Variants in PEX14 observed in about 807,000 individuals in gnomAD.
The protein encoded by PEX14 is peroxisomal membrane protein PEX14.
A neutral mutation model predicts 49.5 loss-of-function variants in PEX14; 15 were observed. The observed-to-expected ratio is 0.30, with a 90% confidence interval of 0.20 to 0.47. PEX14 has a LOEUF of 0.47. Among genes scored for constraint, PEX14 ranks in the 20% least tolerant of loss-of-function variants. The probability of loss-of-function intolerance (pLI) is 1.00; values close to 1 mark genes in which losing one functional copy is unlikely to be tolerated. For synonymous variants in PEX14, 210 were observed against 212.7 expected (o/e 0.99, Z 0.11); for missense variants, 398 against 494.8 (o/e 0.80, Z 1.86).
chr1:10,570,067 T>C (rs981584888), intron 3 of PEX14, among the ~76,000 whole-genome samples: 1 of 152,132 alleles, frequency 6.6e-6, no homozygotes, highest in Admixed American at 6.5e-5. Flanking sequence ...AAATATATTT[T>C]CTTTCCTATC....
intron 8 of PEX14, among the ~76,000 whole-genome samples, chr1:10,627,929 T>C (rs1173976632): frequency 3.9e-5 from 6 of 152,136 alleles, no homozygotes; most frequent in Non-Finnish European, 7.3e-5. Flanking sequence ...CCTGGTTTTA[T>C]TTATTTTTAT....
chr1:10,596,491 G>A (rs1024313354), intron 3 of PEX14, among the ~76,000 whole-genome samples: 1 of 152,064 alleles, frequency 6.6e-6, no homozygotes, highest in African/African-American at 2.4e-5. Context: ...AGAAGAAAAT[G>A]TAGTCCTTCT....
chr1:10,552,713 G>C (rs1570254317), intron 3 of PEX14, among the ~76,000 whole-genome samples: 2 of 152,322 alleles, frequency 1.3e-5, no homozygotes, highest in Admixed American at 1.3e-4. Context: ...GATGTGGTGT[G>C]GGTGATAAAA....
At chr1:10,612,387 T>C (rs1350913076) in intron 4 of PEX14, among the ~76,000 whole-genome samples, 1 of 152,188 alleles carries the variant, frequency 6.6e-6, no homozygotes, top group Non-Finnish European at 1.5e-5. Context: ...GATATAGATA[T>C]GCCTCTCGGT....
At chr1:10,542,849 C>T (rs1161369018) in intron 3 of PEX14, among the ~76,000 whole-genome samples, 1 of 152,182 alleles carries the variant, frequency 6.6e-6, no homozygotes, top group South Asian at 2.1e-4. Context: ...CAAGCAATGG[C>T]CCAATGAATA....
Position 10,576,471 on chromosome 1 carries a change from G to A in PEX14, c.170-22767G>A, listed in dbSNP as rs534753014. ...GTTTGTCCATAAACACTGAACCAGT[G>A]ATTTAAATATTCATCCACATTTCGT... On this transcript the variant is annotated intron_variant, in intron 3 of 8. Coordinates refer to ENST00000356607, the MANE Select transcript of PEX14 (RefSeq NM_004565.3). Among the ~76,000 whole-genome samples, 5 of 152,252 alleles carry A rather than the reference G, an allele frequency of 3.3e-5. No homozygotes were observed. In the South Asian group the frequency reaches 1.0e-3, roughly 32 times the overall value.
chr1:10,503,441 A>T (rs796070395), intron 2 of PEX14, among the ~76,000 whole-genome samples: 23 of 150,298 alleles, frequency 1.5e-4, no homozygotes, highest in African/African-American at 5.6e-4. Context: ...TGCTAATCTT[A>T]GAGCTCCTTT....
chr1:10,566,393 C>T (rs1383402260), intron 3 of PEX14, among the ~76,000 whole-genome samples: 1 of 152,122 alleles, frequency 6.6e-6, no homozygotes, highest in African/African-American at 2.4e-5. Context: ...ATTTGTGTTA[C>T]AAATATATGC....
At chr1:10,503,447 C>T (rs1641723276) in intron 2 of PEX14, among the ~76,000 whole-genome samples, 1 of 150,596 alleles carries the variant, frequency 6.6e-6, no homozygotes, top group African/African-American at 2.4e-5. Flanking sequence ...TCTTAGAGCT[C>T]CTTTACATGC....
rs1006019406 is a variant in PEX14, at chr1:10,484,721, G to A, written c.36+9719G>A. ...TGAGAAATCTGTCAGGACTGTGGTC[G>A]CTGACTAGGGAGGGGTCTGCTTCCT... On this transcript the variant is annotated intron_variant, in intron 1 of 8. Transcript: ENST00000356607. Among the ~76,000 whole-genome samples, 3 of 151,588 alleles carry A rather than the reference G, an allele frequency of 2.0e-5. 1 individual carries two copies. The highest frequency in any genetic ancestry group is 7.3e-5 in the African/African-American group (3 of 40,930).
rs1638591419 is a variant in PEX14, at chr1:10,529,751, T to G, written c.85-6462T>G. 6.6e-6 allele frequency among the ~76,000 whole-genome samples: 1 copy of G among 152,244 alleles called. No individual in the cohort carries two copies. Among genetic ancestry groups the G allele is most frequent in the Admixed American group, 6.5e-5 (1 of 15,286 alleles). ...ATTTACACAATAGCCTTAAAATATATTCTGTTCTATCATGTCAACTCCTGT... is the reference window on the plus strand; with the variant it reads ...ATTTACACAATAGCCTTAAAATATAGTCTGTTCTATCATGTCAACTCCTGT... On this transcript the variant is annotated intron_variant, in intron 2 of 8. Coordinates refer to ENST00000356607, the MANE Select transcript of PEX14 (RefSeq NM_004565.3). This position sits in a 1 kb window ranked among gnomAD's most constrained non-coding sequence, Gnocchi z 4.2.
At chr1:10,485,572 G>C (rs973761629) in intron 1 of PEX14, among the ~76,000 whole-genome samples, 3 of 151,308 alleles carry the variant, frequency 2.0e-5, no homozygotes, top group Non-Finnish European at 4.4e-5. Context: ...TCCTACCTCT[G>C]CCTCCCAAAG....
intron 3 of PEX14, among the ~76,000 whole-genome samples, chr1:10,579,926 G>A (rs3102137): frequency 2.6e-5 from 4 of 151,908 alleles, no homozygotes; most frequent in Non-Finnish European, 5.9e-5. Flanking sequence ...ATCCCAGTAG[G>A]TTTCAGCCTC....
In PEX14 at chr1:10,494,287, A is replaced by C. The variant is rs895531013; in HGVS notation, c.37-987A>C. ...TTTTCCAAGGCGGCCTGGCACTTCCATCTGATCTGTAATAGCCGGGAGAAT... is the reference window on the plus strand; with the variant it reads ...TTTTCCAAGGCGGCCTGGCACTTCCCTCTGATCTGTAATAGCCGGGAGAAT... On this transcript the variant is annotated intron_variant, in intron 1 of 8. Transcript: ENST00000356607. The surrounding 1 kb of genome is among the most constrained non-coding windows in gnomAD (Gnocchi z 4.3). 7.9e-5 allele frequency among the ~76,000 whole-genome samples: 12 copies of C among 152,272 alleles called. No homozygotes were observed. Among genetic ancestry groups the C allele is most frequent in the Non-Finnish European group, 7.4e-5 (5 of 68,016 alleles).
intron 1 of PEX14, among the ~76,000 whole-genome samples, chr1:10,483,397 A>G (rs988079725): frequency 5.3e-5 from 8 of 151,372 alleles, no homozygotes; most frequent in African/African-American, 1.7e-4. Flanking sequence ...GCTTACTGCA[A>G]TCTCCACTTC....
intron 3 of PEX14, among the ~76,000 whole-genome samples, chr1:10,540,316 A>G (rs1638964488): frequency 6.6e-6 from 1 of 152,100 alleles, no homozygotes; most frequent in Non-Finnish European, 1.5e-5. Context: ...CTCTTTTATT[A>G]CTTTTCTTTT....
intron 3 of PEX14, among the ~76,000 whole-genome samples, chr1:10,554,813 C>T (rs1032606012): frequency 6.6e-6 from 1 of 151,956 alleles, no homozygotes; most frequent in African/African-American, 2.4e-5. Context: ...TCCTGGGGCT[C>T]AAGTGATCTT....
At chr1:10,592,511 G>A (rs1570319785) in intron 3 of PEX14, among the ~76,000 whole-genome samples, 1 of 152,054 alleles carries the variant, frequency 6.6e-6, no homozygotes, top group South Asian at 2.1e-4. Context: ...ATCTCAATTT[G>A]TGTTACATAG....
intron 3 of PEX14, among the ~76,000 whole-genome samples, chr1:10,575,766 C>T (rs1640101652): frequency 6.6e-6 from 1 of 152,032 alleles, no homozygotes; most frequent in South Asian, 2.1e-4. Context: ...CTAGCATTGT[C>T]TGATATTTTC....
Sources: allele counts gnomAD v4.1 joint callset (sites outside exome capture counted in the v4.1 genomes callset), GRCh38; gene constraint gnomAD v4.1.1; non-coding constraint Gnocchi (gnomAD v3.1); transcripts MANE v1.5; gene names NCBI Gene and HGNC (gene_info 2026-07-23, HGNC 2026-07-21).